DCAF17: variants seen among roughly 807,000 people sequenced by gnomAD.
DCAF17 encodes the protein DDB1 and CUL4 associated factor 17, also known as DDB1- and CUL4-associated factor 17.
A neutral mutation model predicts 66.0 loss-of-function variants in DCAF17; 48 were observed. The ratio of observed to expected loss-of-function variants is 0.73; its 90% CI spans 0.58 to 0.92. The LOEUF (loss-of-function observed/expected upper bound fraction) is 0.92, where lower values mean the gene tolerates loss of function less well. Among genes scored for constraint, DCAF17 ranks in the 40% least tolerant of loss-of-function variants. DCAF17 has a pLI of 0.00. For synonymous variants in DCAF17, 206 were observed against 214.6 expected (o/e 0.96, Z 0.35); for missense variants, 562 against 622.8 (o/e 0.90, Z 1.04).
chr2:171,455,076 C>T (rs1473207938), intron 6 of DCAF17, among the ~76,000 whole-genome samples: 1 of 151,296 alleles, frequency 6.6e-6, no homozygotes, highest in Non-Finnish European at 1.5e-5. Flanking sequence ...TTATTTCATT[C>T]CTCAGGTTTA....
intron 6 of DCAF17, among the ~76,000 whole-genome samples, chr2:171,453,865 G>T (rs1695094081): frequency 6.6e-6 from 1 of 152,110 alleles, no homozygotes; most frequent in South Asian, 2.1e-4. Flanking sequence ...GTATCTTGAG[G>T]ATCTACTGAT....
chr2:171,480,701 A>G (rs555729249), intron 13 of DCAF17, among the ~76,000 whole-genome samples: 2 of 152,316 alleles, frequency 1.3e-5, no homozygotes, highest in African/African-American at 4.8e-5. Flanking sequence ...AAATGATCAC[A>G]CAGTGAGATA....
rs1307366458 is a variant in DCAF17, at chr2:171,483,905, A to G, written c.*2791A>G. The G allele has an allele frequency of 4.4e-6, 2 of 453,994 alleles. No individual in the cohort carries two copies. The highest frequency in any genetic ancestry group is 4.0e-5 in the African/African-American group (2 of 50,000). 28.1% of individuals were successfully genotyped at this position (453,994 alleles called of 1,614,324 possible). A position where few individuals can be genotyped will look rare whatever the true frequency, so the allele number is the denominator to read the frequency against. ...CATGAACTTGTGCCAAATTTCCTCCAAAGTTCTCAAAAGGCAAGGCATGTT... is the reference window on the plus strand; with the variant it reads ...CATGAACTTGTGCCAAATTTCCTCCGAAGTTCTCAAAAGGCAAGGCATGTT... On this transcript the variant is annotated 3_prime_UTR_variant, in exon 14 of 14. Transcript: ENST00000375255.
At chr2:171,453,485 T>C (rs928069243) in intron 6 of DCAF17, among the ~76,000 whole-genome samples, 1 of 151,658 alleles carries the variant, frequency 6.6e-6, no homozygotes, top group Admixed American at 6.6e-5. Context: ...TGAGTAAGGT[T>C]TTTTTTTTCC....
chr2:171,451,836 A>AACC (rs1559267373), intron 5 of DCAF17, among the ~76,000 whole-genome samples: 1 of 152,192 alleles, frequency 6.6e-6, no homozygotes. Flanking sequence ...TACAGGCGTG[A>AACC]ACCACCACTC....
chr2:171,449,031 C>A (rs1038014764), intron 4 of DCAF17, among the ~76,000 whole-genome samples: 3 of 150,908 alleles, frequency 2.0e-5, no homozygotes, highest in African/African-American at 7.3e-5. Context: ...TTTTTTAAGA[C>A]AAGGTCTTGC....
intron 11 of DCAF17, 87 bp downstream of exon 11, chr2:171,477,037 T>A: frequency 1.9e-6 from 2 of 1,073,682 alleles, no homozygotes; most frequent in South Asian, 1.3e-5. Context: ...CCTTTGAGTG[T>A]AGCAGAAAAC....
intron 2 of DCAF17, among the ~76,000 whole-genome samples, chr2:171,440,006 A>T (rs77399420): frequency 4.3e-4 from 66 of 152,164 alleles, no homozygotes; most frequent in African/African-American, 1.6e-3. Context: ...GCTAGAGTGC[A>T]GTGGCTTTTC....
At chr2:171,459,090 AC>A (rs1261214141) in intron 8 of DCAF17, among the ~76,000 whole-genome samples, 2 of 152,290 alleles carry the variant, frequency 1.3e-5, no homozygotes, top group Non-Finnish European at 2.9e-5. Flanking sequence ...CGGGCGGATC[AC>A]TTGAGGTTGG....
At chr2:171,444,311 T>G (rs1694489508) in intron 3 of DCAF17, among the ~76,000 whole-genome samples, 1 of 152,204 alleles carries the variant, frequency 6.6e-6, no homozygotes, top group South Asian at 2.1e-4. Flanking sequence ...GGAATATTTC[T>G]AAGTACAGGT....
chr2:171,443,823 TTAGA>T lies in DCAF17; in HGVS notation c.321+216_321+219del, dbSNP rs767230951. ...TAATATTATGAATGTGTTTTTAAAA[TTAGA>T]TAGATTTTTTTTAGATCCTGAAAAC... On this transcript the variant is annotated intron_variant, in intron 3 of 13. Coordinates refer to ENST00000375255, the MANE Select transcript of DCAF17 (RefSeq NM_025000.4). Among the ~76,000 whole-genome samples, 14 of 151,710 alleles carry T rather than the reference TTAGA, an allele frequency of 9.2e-5. 1 individual carries two copies. The highest frequency in any genetic ancestry group is 3.3e-4 in the Admixed American group (5 of 15,226).
intron 6 of DCAF17, among the ~76,000 whole-genome samples, chr2:171,455,448 A>G (rs572887262): frequency 1.3e-5 from 2 of 152,316 alleles, no homozygotes; most frequent in East Asian, 3.9e-4. Context: ...GCTCTTGTGA[A>G]CAGTGCTGCA....
In DCAF17 at chr2:171,477,097, A is replaced by G. The variant is rs1574403929; in HGVS notation, c.1182+147A>G. On this transcript the variant is annotated intron_variant, in intron 11 of 13. Coordinates refer to ENST00000375255, the MANE Select transcript of DCAF17 (RefSeq NM_025000.4). ...GTACATTTTGTCTACATGGGTAGCCAGTTTTAGCCCCATGTACATTTCAGA... is the reference window on the plus strand; with the variant it reads ...GTACATTTTGTCTACATGGGTAGCCGGTTTTAGCCCCATGTACATTTCAGA... 3 of 650,334 alleles carry G rather than the reference A, an allele frequency of 4.6e-6. No individual in the cohort carries two copies. In the East Asian group the frequency reaches 8.4e-5, roughly 18 times the overall value. The allele number at this position is 650,334 out of a possible 1,614,324, so 40.3% of individuals were successfully genotyped here. A position where few individuals can be genotyped will look rare whatever the true frequency, so the allele number is the denominator to read the frequency against.
intron 8 of DCAF17, 102 bp downstream of exon 8, chr2:171,458,579 A>G (rs1695396656): frequency 5.3e-6 from 5 of 951,356 alleles, no homozygotes; most frequent in African/African-American, 5.0e-5. Flanking sequence ...TTTATTTAAA[A>G]AACTCAATTC....
chr2:171,439,977 G>A (rs1694211968), intron 2 of DCAF17, among the ~76,000 whole-genome samples: 1 of 151,930 alleles, frequency 6.6e-6, no homozygotes. Flanking sequence ...AAGAAATGAG[G>A]CGTTGCTTTG....
intron 5 of DCAF17, among the ~76,000 whole-genome samples, chr2:171,451,601 G>A (rs1348547998): frequency 6.6e-6 from 1 of 152,182 alleles, no homozygotes; most frequent in Admixed American, 6.5e-5. Flanking sequence ...TTTTGAGACG[G>A]AGTCTCGCTT....
intron 1 of DCAF17, 176 bp downstream of exon 1, chr2:171,434,879 T>C (rs1448344309): frequency 1.8e-6 from 2 of 1,121,574 alleles, no homozygotes; most frequent in African/African-American, 1.6e-5. Context: ...CAGCTGCTTT[T>C]AGTTTTACGC....
intron 9 of DCAF17, among the ~76,000 whole-genome samples, chr2:171,470,988 G>T (rs1056056311): frequency 2.6e-5 from 4 of 152,188 alleles, no homozygotes; most frequent in African/African-American, 9.7e-5. Context: ...GCATCCATGG[G>T]TTTTGGTATT....
Position 171,476,876 on chromosome 2 carries a change from G to GA in DCAF17, c.1111dup (p.Ile371AsnfsTer4). On this transcript the variant is annotated frameshift_variant, in exon 11 of 14. Transcript: ENST00000375255. LOFTEE classifies it high-confidence loss of function. ...CCTTCTCAGAGTTTTGAAGCTAACTGAAATAGAAAATAATAGTTCTCAGCA... is the reference window on the plus strand; with the variant it reads ...CCTTCTCAGAGTTTTGAAGCTAACTGAAAATAGAAAATAATAGTTCTCAGCA... The GA allele has an allele frequency of 1.9e-6, 3 of 1,613,538 alleles. No homozygotes were observed. The highest frequency in any genetic ancestry group is 2.5e-6 in the Non-Finnish European group (3 of 1,179,676).
Sources: gnomAD v4.1 joint callset for allele counts (sites outside exome capture counted in the v4.1 genomes callset) on GRCh38, gnomAD v4.1.1 for gene constraint, MANE v1.5 for transcripts, NCBI Gene and HGNC (gene_info 2026-07-23, HGNC 2026-07-21) for gene names.